Variants in CMKLR1 observed in about 807,000 individuals in gnomAD.
CMKLR1 encodes the protein chemerin chemokine-like receptor 1.
A neutral mutation model predicts 8.2 loss-of-function variants in CMKLR1; 6 were observed. That is an observed-to-expected ratio of 0.73 (90% CI 0.40 to 1.44). CMKLR1 has a LOEUF of 1.44. Among genes scored for constraint, CMKLR1 ranks in the 40% most tolerant of loss-of-function variants. The probability of loss-of-function intolerance (pLI) is 0.02; values close to 1 mark genes in which losing one functional copy is unlikely to be tolerated. For synonymous variants in CMKLR1, 178 were observed against 181.2 expected, an observed-to-expected ratio of 0.98 and a Z score of 0.14; for missense variants, 429 against 478.0, an observed-to-expected ratio of 0.90 and a Z score of 0.96.
At chr12:108,313,932 G>A (rs1891652343) in intron 2 of CMKLR1, among the ~76,000 whole-genome samples, 1 of 152,142 alleles carries the variant, frequency 6.6e-6, no homozygotes, top group Non-Finnish European at 1.5e-5. Flanking sequence ...CCCTCCCCAG[G>A]CAGCAGCCAC....
At chr12:108,295,124 G>A (rs1046699272) in intron 2 of CMKLR1, among the ~76,000 whole-genome samples, 2 of 152,228 alleles carry the variant, frequency 1.3e-5, no homozygotes, top group African/African-American at 4.8e-5. Flanking sequence ...CATGACTGGA[G>A]GTAACCTGAC....
chr12:108,299,585 T>C (rs1294641161), intron 2 of CMKLR1, among the ~76,000 whole-genome samples: 2 of 152,050 alleles, frequency 1.3e-5, no homozygotes, highest in African/African-American at 4.8e-5. Flanking sequence ...GAGATTAAGG[T>C]AAGGATCTCA....
At chr12:108,302,447 G>A (rs1891302302) in intron 2 of CMKLR1, among the ~76,000 whole-genome samples, 1 of 152,236 alleles carries the variant, frequency 6.6e-6, no homozygotes, top group Non-Finnish European at 1.5e-5. Context: ...TGGCAAAAGT[G>A]ATTTATTAAG....
intron 2 of CMKLR1, among the ~76,000 whole-genome samples, chr12:108,303,389 T>C (rs1891328282): frequency 1.3e-5 from 2 of 152,204 alleles, no homozygotes; most frequent in Non-Finnish European, 2.9e-5. Context: ...AAGCCTCCAA[T>C]GGACATTATT....
intron 2 of CMKLR1, among the ~76,000 whole-genome samples, chr12:108,322,484 A>G (rs915655782): frequency 2.6e-5 from 4 of 152,090 alleles, no homozygotes; most frequent in Non-Finnish European, 1.5e-5. Context: ...GTGCCTCTGC[A>G]GTTACTTCAG....
At chr12:108,304,901 C>T (rs1440463392) in intron 2 of CMKLR1, among the ~76,000 whole-genome samples, 1 of 152,240 alleles carries the variant, frequency 6.6e-6, no homozygotes, top group African/African-American at 2.4e-5. Flanking sequence ...GGGGCTTTAT[C>T]AGGGCCTGTG....
chr12:108,295,397 A>T (rs1891107747), intron 2 of CMKLR1, among the ~76,000 whole-genome samples: 1 of 152,228 alleles, frequency 6.6e-6, no homozygotes. Context: ...ACCATCACCA[A>T]CCTTCCTTTT....
chr12:108,322,809 A>T (rs991114657), intron 2 of CMKLR1, among the ~76,000 whole-genome samples: 6 of 151,720 alleles, frequency 4.0e-5, no homozygotes, highest in Non-Finnish European at 8.8e-5. Context: ...AGCAAAATAA[A>T]CCTCTTTTCT....
At chr12:108,334,607 G>C (rs1205096762) in intron 1 of CMKLR1, among the ~76,000 whole-genome samples, 1 of 152,190 alleles carries the variant, frequency 6.6e-6, no homozygotes. Flanking sequence ...GCCCAGCCCT[G>C]GGGGAGCCCA....
intron 2 of CMKLR1, among the ~76,000 whole-genome samples, chr12:108,317,036 C>T (rs1387068325): frequency 6.6e-6 from 1 of 152,208 alleles, no homozygotes; most frequent in Non-Finnish European, 1.5e-5. Context: ...CTCCTGGACT[C>T]AAGTGATCCA....
At chr12:108,321,477 T>C (rs1891860170) in intron 2 of CMKLR1, among the ~76,000 whole-genome samples, 1 of 152,062 alleles carries the variant, frequency 6.6e-6, no homozygotes, top group Non-Finnish European at 1.5e-5. Context: ...CGCAAAATAT[T>C]GCATGATGAG....
rs142844934 is a variant in CMKLR1, at chr12:108,335,980, A to T, written c.-287+3047T>A. Among the ~76,000 whole-genome samples, 703 of 152,344 alleles carry T rather than the reference A, an allele frequency of 4.6e-3. 4 individuals are homozygous for T. Among genetic ancestry groups the T allele is most frequent in the African/African-American group, 0.016 (662 of 41,580 alleles). On this transcript the variant is annotated intron_variant, in intron 1 of 3. Transcript: ENST00000550402. ...GACAAAGTTTCGCTTCTTCTCTGCC[A>T]AACCTTCTGGCCTCAACTGCTGACA...
At chr12:108,316,476 T>C (rs4964247) in intron 2 of CMKLR1, among the ~76,000 whole-genome samples, 113,628 of 152,012 alleles carry the variant, frequency 0.75, 43,130 homozygotes, top group East Asian at 0.97. Context: ...GACAGAGCGG[T>C]CAGGGCAAAG....
At chr12:108,329,281 T>G (rs1892050955) in intron 2 of CMKLR1, among the ~76,000 whole-genome samples, 1 of 152,192 alleles carries the variant, frequency 6.6e-6, no homozygotes, top group East Asian at 1.9e-4. Flanking sequence ...GACCTCCTCC[T>G]GCCATCCCTG....
intron 2 of CMKLR1, among the ~76,000 whole-genome samples, chr12:108,297,045 C>T (rs1044532332): frequency 5.9e-5 from 9 of 152,162 alleles, no homozygotes; most frequent in Admixed American, 2.6e-4. Context: ...AAAAAATATG[C>T]GTCACTATAT....
intron 2 of CMKLR1, among the ~76,000 whole-genome samples, chr12:108,308,671 G>A (rs913135475): frequency 6.6e-6 from 1 of 152,184 alleles, no homozygotes; most frequent in Non-Finnish European, 1.5e-5. Flanking sequence ...GACGGGCAAG[G>A]CAGGGGCCCC....
intron 2 of CMKLR1, among the ~76,000 whole-genome samples, chr12:108,327,957 C>T (rs1892020012): frequency 6.6e-6 from 1 of 152,180 alleles, no homozygotes; most frequent in Non-Finnish European, 1.5e-5. Context: ...CCCGGGAGAC[C>T]TGTCAGAAAC....
chr12:108,324,453 C>T (rs567340991), intron 2 of CMKLR1, among the ~76,000 whole-genome samples: 4 of 152,252 alleles, frequency 2.6e-5, no homozygotes, highest in East Asian at 3.9e-4. Flanking sequence ...TGGGAGCACT[C>T]CCCTCAGACC....
chr12:108,303,754 G>C (rs74471082), intron 2 of CMKLR1, among the ~76,000 whole-genome samples: 7,006 of 152,258 alleles, frequency 0.046, 230 homozygotes, highest in Non-Finnish European at 0.065. Flanking sequence ...GAGCAAGGCA[G>C]GGCTCCGGGT....
Sources: gnomAD v4.1 joint callset for allele counts (sites outside exome capture counted in the v4.1 genomes callset) on GRCh38, gnomAD v4.1.1 for gene constraint, MANE v1.5 for transcripts, NCBI Gene and HGNC (gene_info 2026-07-23, HGNC 2026-07-21) for gene names.